The following CACNB4 variants were observed in gnomAD, a reference collection of about 807,000 sequenced individuals.
CACNB4 encodes the protein calcium voltage-gated channel auxiliary subunit beta 4, also known as voltage-dependent L-type calcium channel subunit beta-4.
A neutral mutation model predicts 71.2 loss-of-function variants in CACNB4; 32 were observed. That is an observed-to-expected ratio of 0.45 (90% confidence interval 0.34 to 0.60). The LOEUF (loss-of-function observed/expected upper bound fraction) is 0.60, where lower values mean the gene tolerates loss of function less well. CACNB4 is among the 20% of genes least tolerant of loss of function. The pLI is 0.01. For missense variants in CACNB4, 464 were observed against 647.9 expected (o/e 0.72, Z 3.08); for synonymous variants, 231 against 236.9 (o/e 0.97, Z 0.23).
In CACNB4 at chr2:152,035,555, G is replaced by GTC. The variant is rs1252359463; in HGVS notation, c.147+62773_147+62774dup. Reference sequence around the variant, plus strand: ...AGCCTGGGCAACAGAGCGAAACTCCGTCTCTCTCTCTCTTTCTCTCTCTCT... The same window carrying GTC: ...AGCCTGGGCAACAGAGCGAAACTCCGTCTCTCTCTCTCTCTTTCTCTCTCTCT... On this transcript the variant is annotated intron_variant, in intron 2 of 13. Transcript: ENST00000539935. Among the ~76,000 whole-genome samples the GTC allele has an allele frequency of 3.4e-4, 47 of 136,974 alleles. 1 individual carries two copies. The highest frequency in any genetic ancestry group is 6.6e-4 in the East Asian group (3 of 4,554). The allele number at this position is 136,974 out of a possible 152,430, so 89.9% of individuals were successfully genotyped here.
intron 4 of CACNB4, among the ~76,000 whole-genome samples, chr2:151,878,751 T>C (rs976092116): frequency 6.7e-6 from 1 of 149,872 alleles, no homozygotes; most frequent in African/African-American, 2.5e-5. Context: ...TATACTAGAC[T>C]ACACAATTAG....
intron 2 of CACNB4, among the ~76,000 whole-genome samples, chr2:151,921,029 T>C (rs905087305): frequency 6.6e-6 from 1 of 151,880 alleles, no homozygotes; most frequent in Non-Finnish European, 1.5e-5. Context: ...TAGTCCCAGC[T>C]ACTTGGGAGA....
chr2:151,934,364 G>T (rs2099862390), intron 2 of CACNB4, among the ~76,000 whole-genome samples: 1 of 152,228 alleles, frequency 6.6e-6, no homozygotes, highest in South Asian at 2.1e-4. Flanking sequence ...GGATACACAG[G>T]TGAAGTGGGC....
In CACNB4 at chr2:152,035,651, C is replaced by CTCTCTATATA. The variant is rs796161186; in HGVS notation, c.147+62678_147+62679insTATATAGAGA. 4.0e-3 allele frequency among the ~76,000 whole-genome samples: 468 copies of CTCTCTATATA among 118,064 alleles called. 4 individuals are homozygous for CTCTCTATATA. The highest frequency in any genetic ancestry group is 5.1e-3 in the African/African-American group (141 of 27,590). 77.5% of individuals were successfully genotyped at this position (118,064 alleles called of 152,430 possible). A position where few individuals can be genotyped will look rare whatever the true frequency, so the allele number is the denominator to read the frequency against. ...TCTCCCTCTCTCTCTCTCTCTCTCT[C>CTCTCTATATA]TATATATATATATATATGTATGTAT... is the stretch of plus-strand genomic sequence containing the variant. On this transcript the variant is annotated intron_variant, in intron 2 of 13. Transcript: ENST00000539935.
chr2:151,943,822 G>A (rs912434960), intron 2 of CACNB4, among the ~76,000 whole-genome samples: 11 of 152,122 alleles, frequency 7.2e-5, no homozygotes, highest in African/African-American at 2.4e-4. Flanking sequence ...TCAGAGGCTG[G>A]CAGATGAAAA....
chr2:151,896,796 A>T (rs2099852195), intron 2 of CACNB4, among the ~76,000 whole-genome samples: 1 of 152,252 alleles, frequency 6.6e-6, no homozygotes, highest in South Asian at 2.1e-4. Flanking sequence ...TTTGATTGGA[A>T]TAAAACAGCA....
intron 2 of CACNB4, among the ~76,000 whole-genome samples, chr2:152,023,727 A>T (rs1278571866): frequency 6.6e-6 from 1 of 152,146 alleles, no homozygotes; most frequent in Non-Finnish European, 1.5e-5. Context: ...GAGCCACCAC[A>T]CCCAGCCAGT....
At chr2:152,021,435 C>A (rs568258140) in intron 2 of CACNB4, among the ~76,000 whole-genome samples, 96 of 152,198 alleles carry the variant, frequency 6.3e-4, no homozygotes, top group African/African-American at 2.2e-3. Context: ...CTTCTGGCAG[C>A]CAAAGTTTGA....
At chr2:152,096,911 T>C (rs1043659531) in intron 2 of CACNB4, among the ~76,000 whole-genome samples, 7 of 152,150 alleles carry the variant, frequency 4.6e-5, no homozygotes, top group African/African-American at 1.7e-4. Flanking sequence ...TTTCCAAGAA[T>C]TTGCAACAAT....
At chr2:151,860,581 T>A in intron 10 of CACNB4, 130 bp downstream of exon 10, 1 of 700,342 alleles carries the variant, frequency 1.4e-6, no homozygotes, top group South Asian at 1.6e-5. Flanking sequence ...ATAGCTAGCA[T>A]TCTTTTTAGG....
chr2:152,014,743 AAT>A (rs1235313222), intron 2 of CACNB4, among the ~76,000 whole-genome samples: 1 of 151,948 alleles, frequency 6.6e-6, no homozygotes, highest in Non-Finnish European at 1.5e-5. Flanking sequence ...AAAAAAAAAA[AAT>A]CATAATTTTA....
At chr2:151,981,738 T>C (rs1358972311) in intron 2 of CACNB4, among the ~76,000 whole-genome samples, 1 of 152,164 alleles carries the variant, frequency 6.6e-6, no homozygotes, top group East Asian at 1.9e-4. Flanking sequence ...AACTTAAAAA[T>C]AGTTAAAGTT....
chr2:151,930,512 T>C (rs1453094007), intron 2 of CACNB4, among the ~76,000 whole-genome samples: 1 of 152,284 alleles, frequency 6.6e-6, no homozygotes, highest in Non-Finnish European at 1.5e-5. Flanking sequence ...TGCACAAAGA[T>C]AGTTGTGTAA....
intron 2 of CACNB4, among the ~76,000 whole-genome samples, chr2:151,913,128 C>G (rs928265452): frequency 3.3e-5 from 5 of 152,124 alleles, no homozygotes; most frequent in African/African-American, 1.2e-4. Context: ...CAATTTGCCA[C>G]ACTGTGTCTT....
At chr2:151,955,082 C>T (rs1465478959) in intron 2 of CACNB4, among the ~76,000 whole-genome samples, 3 of 152,058 alleles carry the variant, frequency 2.0e-5, no homozygotes, top group Non-Finnish European at 2.9e-5. Context: ...GTCTCGATCT[C>T]CTGACCTTGT....
At chr2:152,017,915 C>G (rs1037670126) in intron 2 of CACNB4, among the ~76,000 whole-genome samples, 1 of 151,698 alleles carries the variant, frequency 6.6e-6, no homozygotes, top group South Asian at 2.1e-4. Flanking sequence ...TCACTGCAAC[C>G]TCTGCCTCCT....
intron 2 of CACNB4, among the ~76,000 whole-genome samples, chr2:151,952,635 C>T (rs1029881524): frequency 2.0e-5 from 3 of 152,120 alleles, no homozygotes; most frequent in Non-Finnish European, 4.4e-5. Flanking sequence ...TAATGGGACC[C>T]GAGAAGCAGC....
At chr2:151,939,938 G>A (rs1578883693) in intron 2 of CACNB4, among the ~76,000 whole-genome samples, 1 of 152,012 alleles carries the variant, frequency 6.6e-6, no homozygotes, top group African/African-American at 2.4e-5. Context: ...GCTTTTAAAA[G>A]AGCCTGGCTG....
intron 2 of CACNB4, among the ~76,000 whole-genome samples, chr2:152,024,875 G>C (rs6433787): frequency 0.44 from 67,033 of 151,950 alleles, 17,098 homozygotes; most frequent in Non-Finnish European, 0.59. Flanking sequence ...GGCCAACATG[G>C]CGACACTCCA....
Sources: allele counts gnomAD v4.1 joint callset (sites outside exome capture counted in the v4.1 genomes callset), GRCh38; gene constraint gnomAD v4.1.1; transcripts MANE v1.5; gene names NCBI Gene and HGNC (gene_info 2026-07-23, HGNC 2026-07-21).